ARHGAP39: variants seen among roughly 807,000 people sequenced by gnomAD.
The protein encoded by ARHGAP39 is rho GTPase-activating protein 39.
ARHGAP39 carries 44 observed loss-of-function variants against 106.9 expected under a neutral mutation model. That is an observed-to-expected ratio of 0.41 (90% CI 0.32 to 0.53). The LOEUF is 0.53. ARHGAP39 is among the 20% of genes least tolerant of loss of function. The pLI is 0.21. For synonymous variants in ARHGAP39, 768 were observed against 693.2 expected, an observed-to-expected ratio of 1.11 and a Z score of -1.69; for missense variants, 1,496 against 1,577.3, an observed-to-expected ratio of 0.95 and a Z score of 0.87.
At chr8:144,617,394 C>T (rs1027634393) in intron 1 of ARHGAP39, among the ~76,000 whole-genome samples, 1 of 140,842 alleles carries the variant, frequency 7.1e-6, no homozygotes, top group Admixed American at 6.8e-5. Flanking sequence ...CACCCAGCAC[C>T]GCAAACCAGG....
At chr8:144,546,890 G>A (rs1291287540) in intron 5 of ARHGAP39, among the ~76,000 whole-genome samples, 4 of 152,204 alleles carry the variant, frequency 2.6e-5, no homozygotes, top group African/African-American at 7.2e-5. Flanking sequence ...CCAGGATGAG[G>A]AAGGCACTGC....
At chr8:144,662,822 C>A (rs1307149321) in intron 1 of ARHGAP39, among the ~76,000 whole-genome samples, 2 of 148,076 alleles carry the variant, frequency 1.4e-5, no homozygotes, top group African/African-American at 5.0e-5. Flanking sequence ...CCCCCCATCC[C>A]CATTAGCCAC....
intron 3 of ARHGAP39, among the ~76,000 whole-genome samples, chr8:144,570,261 T>C (rs1303645604): frequency 6.6e-6 from 1 of 152,124 alleles, no homozygotes; most frequent in African/African-American, 2.4e-5. Context: ...CAAAAGCTTA[T>C]AAGCCGAGCA....
In ARHGAP39 at chr8:144,671,461, G is replaced by A. The variant is rs1182258967; in HGVS notation, c.-82+14225C>T. ...AGCTGAGAAGTGCTCCCCTTCAGGA[G>A]ACAGTGTCACTCTACACGCTGCAAA... On this transcript the variant is annotated intron_variant, in intron 1 of 11. Coordinates refer to ENST00000377307, the MANE Select transcript of ARHGAP39 (RefSeq NM_025251.3). The surrounding 1 kb of genome is among the most constrained non-coding windows in gnomAD (Gnocchi z 4.5). Among the ~76,000 whole-genome samples, 1 of 152,204 alleles carries A rather than the reference G, an allele frequency of 6.6e-6. No homozygotes were observed. Among genetic ancestry groups the A allele is most frequent in the Admixed American group, 6.5e-5 (1 of 15,288 alleles).
intron 3 of ARHGAP39, among the ~76,000 whole-genome samples, chr8:144,568,758 TATAAG>T (rs1261579253): frequency 1.3e-5 from 2 of 151,742 alleles, no homozygotes; most frequent in Non-Finnish European, 2.9e-5. Context: ...GGTAAGTTAA[TATAAG>T]ATAATACATA....
chr8:144,679,632 A>G lies in ARHGAP39; in HGVS notation c.-82+6054T>C, dbSNP rs372956604. ...CCAATTAAATCTCCCTAAACCATTA[A>G]TCAGGACATCCCCTGCTCACAAAGC... On this transcript the variant is annotated intron_variant, in intron 1 of 11. Coordinates refer to ENST00000377307, the MANE Select transcript of ARHGAP39 (RefSeq NM_025251.3). The surrounding 1 kb of genome is among the most constrained non-coding windows in gnomAD (Gnocchi z 4.7). Among the ~76,000 whole-genome samples, 11 of 152,286 alleles carry G rather than the reference A, an allele frequency of 7.2e-5. No homozygotes were observed. The East Asian group carries it at 1.9e-3, about 27-fold the overall frequency.
intron 1 of ARHGAP39, among the ~76,000 whole-genome samples, chr8:144,617,454 C>T (rs990770206): frequency 5.4e-5 from 8 of 147,164 alleles, no homozygotes; most frequent in African/African-American, 1.2e-4. Context: ...CACCCAGCGC[C>T]GCAAACCAGG....
Position 144,679,709 on chromosome 8 carries a change from A to G in ARHGAP39, c.-82+5977T>C, listed in dbSNP as rs181142034. Among the ~76,000 whole-genome samples the G allele has an allele frequency of 2.7e-4, 41 of 152,336 alleles. No individual in the cohort carries two copies. In the East Asian group the frequency reaches 6.9e-3, roughly 26 times the overall value. On this transcript the variant is annotated intron_variant, in intron 1 of 11. Transcript: ENST00000377307. This position sits in a 1 kb window ranked among gnomAD's most constrained non-coding sequence, Gnocchi z 4.7. ...GAAAATTAAAATCTAGGCCGGGCGCAGTGTCTCACGCCTGTAATCCCAGCA... is the reference window on the plus strand; with the variant it reads ...GAAAATTAAAATCTAGGCCGGGCGCGGTGTCTCACGCCTGTAATCCCAGCA...
At chr8:144,583,014 G>A (rs925325380) in intron 2 of ARHGAP39, among the ~76,000 whole-genome samples, 1 of 152,046 alleles carries the variant, frequency 6.6e-6, no homozygotes, top group African/African-American at 2.4e-5. Flanking sequence ...TGCATGTCTC[G>A]CCACACCCTT....
At chr8:144,639,575 G>A (rs183713773) in intron 1 of ARHGAP39, among the ~76,000 whole-genome samples, 4 of 151,752 alleles carry the variant, frequency 2.6e-5, no homozygotes, top group South Asian at 4.2e-4. Context: ...CTTCCAATAC[G>A]TATTCCTGTC....
At chr8:144,565,230 C>T (rs1818351425) in intron 3 of ARHGAP39, among the ~76,000 whole-genome samples, 1 of 151,146 alleles carries the variant, frequency 6.6e-6, no homozygotes, top group Non-Finnish European at 1.5e-5. Context: ...GTGAGCCGAG[C>T]CTGCATCACT....
In ARHGAP39 at chr8:144,592,115, A is replaced by G. The variant is rs564229944; in HGVS notation, c.81-10838T>C. Among the ~76,000 whole-genome samples the G allele has an allele frequency of 3.3e-5, 5 of 152,338 alleles. No individual in the cohort carries two copies. In the South Asian group the frequency reaches 1.0e-3, roughly 32 times the overall value. On this transcript the variant is annotated intron_variant, in intron 2 of 11. Transcript: ENST00000377307. Reference sequence around the variant, plus strand: ...ATTTTTGTTTAAAATGCACTTTCAAATGAATGTAATGGGATAATTCTCTCA... The same window carrying G: ...ATTTTTGTTTAAAATGCACTTTCAAGTGAATGTAATGGGATAATTCTCTCA...
At chr8:144,563,859 T>G (rs1406972905) in intron 3 of ARHGAP39, among the ~76,000 whole-genome samples, 1 of 152,194 alleles carries the variant, frequency 6.6e-6, no homozygotes, top group African/African-American at 2.4e-5. Context: ...TAATTTTTGT[T>G]GTAGGCTTGA....
In ARHGAP39 at chr8:144,548,163, T is replaced by C. The variant is rs1431082428; in HGVS notation, c.923A>G (p.Tyr308Cys). The change falls in exon 5 of 12, where the codon TAT (tyrosine) becomes TGT (cysteine). Residue 308 changes from tyrosine (Y) to cysteine (C), a missense_variant. By Grantham distance (194) the Tyr-to-Cys change is radical. This residue lies in a region of ARHGAP39 where 905 missense variants were observed against 816.4 expected (regional missense o/e 1.11). Coordinates refer to ENST00000377307, the MANE Select transcript of ARHGAP39 (RefSeq NM_025251.3). This position sits in a 1 kb window ranked among gnomAD's most constrained non-coding sequence, Gnocchi z 7.4. Reference sequence around the variant, plus strand: ...GGGCTCCTCGTAGAGCGGGGGTTCATAGCCATAGCGCGGGGAGGAGGGCTG... The same window carrying C: ...GGGCTCCTCGTAGAGCGGGGGTTCACAGCCATAGCGCGGGGAGGAGGGCTG... ...DSQPSSPRYG[Y>C]EPPLYEEPPV... 1.3e-6 allele frequency: 2 copies of C among 1,574,182 alleles called. No individual in the cohort carries two copies. Among genetic ancestry groups the C allele is most frequent in the Non-Finnish European group, 1.7e-6 (2 of 1,158,964 alleles).
At chr8:144,557,006 T>C (rs1817950176) in intron 3 of ARHGAP39, among the ~76,000 whole-genome samples, 1 of 144,610 alleles carries the variant, frequency 6.9e-6, no homozygotes, top group African/African-American at 2.8e-5. Context: ...AGGCAAAGGC[T>C]GAACCTTCAT....
chr8:144,545,604 C>G lies in ARHGAP39; in HGVS notation c.2166G>C (p.Trp722Cys). The part of the protein sequence containing the change: ...RKVSIANMLA[W>C]SSESIKKPMI... Reference sequence around the variant, plus strand: ...TGGGCTTCTTGATGGACTCGCTGCTCCAGGCCAGCATGTTGGCGATGGACA... The same window carrying G: ...TGGGCTTCTTGATGGACTCGCTGCTGCAGGCCAGCATGTTGGCGATGGACA... Residue 722 changes from tryptophan (W) to cysteine (C), a missense_variant, in exon 6 of 12, where the codon TGG becomes TGC. Around this residue, in one of 4 missense-constraint regions of ARHGAP39, gnomAD observed 470 missense variants for 605.1 expected, o/e 0.78. Transcript: ENST00000377307. 1 of 1,613,754 alleles carries G rather than the reference C, an allele frequency of 6.2e-7. No individual in the cohort carries two copies. Among genetic ancestry groups the G allele is most frequent in the Non-Finnish European group, 8.5e-7 (1 of 1,180,018 alleles).
chr8:144,535,720 T>C (rs2130821364), intron 7 of ARHGAP39, among the ~76,000 whole-genome samples: 1 of 152,362 alleles, frequency 6.6e-6, no homozygotes, highest in Admixed American at 6.5e-5. Flanking sequence ...CACCCCAGCC[T>C]GAGCCTGCTT....
intron 2 of ARHGAP39, among the ~76,000 whole-genome samples, chr8:144,594,444 C>G (rs1005384445): frequency 2.0e-5 from 3 of 152,158 alleles, no homozygotes; most frequent in African/African-American, 7.2e-5. Context: ...CCTGTAATCC[C>G]AGCACTTTGG....
chr8:144,667,154 C>G (rs1283729363), intron 1 of ARHGAP39, among the ~76,000 whole-genome samples: 1 of 152,182 alleles, frequency 6.6e-6, no homozygotes, highest in African/African-American at 2.4e-5. Context: ...AAGGCAGATG[C>G]AGCACCCTGA....
Sources: allele counts gnomAD v4.1 joint callset (sites outside exome capture counted in the v4.1 genomes callset), GRCh38; gene constraint gnomAD v4.1.1; regional missense constraint gnomAD v4.1.1; non-coding constraint Gnocchi (gnomAD v3.1); transcripts MANE v1.5; gene names NCBI Gene and HGNC (gene_info 2026-07-23, HGNC 2026-07-21).